The following NDST4 variants were observed in gnomAD, a reference collection of about 807,000 sequenced individuals.
NDST4 encodes N-deacetylase and N-sulfotransferase 4.
A neutral mutation model predicts 100.8 loss-of-function variants in NDST4; 63 were observed. That is an observed-to-expected ratio of 0.62 (90% confidence interval 0.51 to 0.77). NDST4 has a LOEUF of 0.77. Ranked by LOEUF, NDST4 falls within the 30% of genes least tolerant of loss-of-function variation. The pLI is 0.00. For missense variants in NDST4, 943 were observed against 1,018.4 expected (o/e 0.93, Z 1.01); for synonymous variants, 377 against 361.8 (o/e 1.04, Z -0.48).
intron 6 of NDST4, among the ~76,000 whole-genome samples, chr4:114,931,825 G>A (rs558330191): frequency 5.7e-4 from 86 of 151,750 alleles, no homozygotes; most frequent in African/African-American, 2.0e-3. Flanking sequence ...GACCAATAAC[G>A]AGTAAAGAGA....
In NDST4 at chr4:114,986,796, A is replaced by G. The variant is rs776689424; in HGVS notation, c.979-9522T>C. 8.9e-3 allele frequency among the ~76,000 whole-genome samples: 131 copies of G among 14,730 alleles called. 2 individuals are homozygous for G. Among genetic ancestry groups the G allele is most frequent in the Non-Finnish European group, 0.024 (95 of 3,964 alleles). 9.7% of individuals were successfully genotyped at this position (14,730 alleles called of 152,430 possible). On this transcript the variant is annotated intron_variant, in intron 2 of 13. Transcript: ENST00000264363. ...CTAAGCCTGGTATCCAATTATACATATATATATATATATATATATATATAT... is the reference window on the plus strand; with the variant it reads ...CTAAGCCTGGTATCCAATTATACATGTATATATATATATATATATATATAT...
chr4:114,869,875 T>C (rs1724110122), intron 7 of NDST4, among the ~76,000 whole-genome samples: 1 of 152,126 alleles, frequency 6.6e-6, no homozygotes, highest in Non-Finnish European at 1.5e-5. Flanking sequence ...TTTCTGACAA[T>C]GTAGACAGAG....
At chr4:115,039,663 G>A (rs1436483972) in intron 2 of NDST4, among the ~76,000 whole-genome samples, 1 of 152,020 alleles carries the variant, frequency 6.6e-6, no homozygotes. Context: ...CATGTCCCAT[G>A]TCTCTCTATA....
chr4:115,012,784 A>G (rs978454310), intron 2 of NDST4, among the ~76,000 whole-genome samples: 3 of 152,036 alleles, frequency 2.0e-5, no homozygotes, highest in Non-Finnish European at 2.9e-5. Context: ...ACGTGGAAGC[A>G]ATCTAATTGT....
chr4:115,066,784 G>A (rs1319632736), intron 2 of NDST4, among the ~76,000 whole-genome samples: 2 of 152,112 alleles, frequency 1.3e-5, no homozygotes, highest in Non-Finnish European at 2.9e-5. Context: ...GAGATCTAGG[G>A]AGTTCTATAA....
intron 1 of NDST4, among the ~76,000 whole-genome samples, chr4:115,088,465 A>G (rs1729450872): frequency 6.6e-6 from 1 of 151,886 alleles, no homozygotes; most frequent in Non-Finnish European, 1.5e-5. Flanking sequence ...CACCTTCTAA[A>G]TGTTTCATTT....
intron 2 of NDST4, among the ~76,000 whole-genome samples, chr4:115,017,315 C>T (rs6849898): frequency 0.086 from 13,005 of 152,014 alleles, 1,842 homozygotes; most frequent in African/African-American, 0.29. Context: ...TTTGGGGTTC[C>T]ACAGAATTCA....
chr4:114,857,716 TG>T (rs1268822891), intron 7 of NDST4, among the ~76,000 whole-genome samples: 1 of 152,234 alleles, frequency 6.6e-6, no homozygotes, highest in African/African-American at 2.4e-5. Context: ...ATCTGCTTTT[TG>T]TTTGCTTTGT....
At chr4:115,026,318 G>A (rs1727983134) in intron 2 of NDST4, among the ~76,000 whole-genome samples, 1 of 151,910 alleles carries the variant, frequency 6.6e-6, no homozygotes, top group Admixed American at 6.6e-5. Context: ...TTATAGTTAA[G>A]TATATTTGAA....
chr4:115,012,041 G>C (rs1379537906), intron 2 of NDST4, among the ~76,000 whole-genome samples: 3 of 151,840 alleles, frequency 2.0e-5, no homozygotes, highest in African/African-American at 7.2e-5. Flanking sequence ...AAGTAAGAGA[G>C]GATTCAAAGC....
chr4:115,085,989 G>A (rs1371014904), intron 1 of NDST4, among the ~76,000 whole-genome samples: 1 of 152,166 alleles, frequency 6.6e-6, no homozygotes, highest in Non-Finnish European at 1.5e-5. Context: ...GGATACCAAT[G>A]TAAGATTATT....
intron 4 of NDST4, among the ~76,000 whole-genome samples, chr4:114,950,750 C>T (rs1412842507): frequency 6.6e-6 from 1 of 152,022 alleles, no homozygotes; most frequent in East Asian, 1.9e-4. Flanking sequence ...CTGCCTCATT[C>T]CCACCTACTT....
chr4:115,021,383 CATAT>C (rs540352056), intron 2 of NDST4, among the ~76,000 whole-genome samples: 1 of 150,110 alleles, frequency 6.7e-6, no homozygotes, highest in African/African-American at 2.5e-5. Context: ...ATATATATTC[CATAT>C]ATATACATTC....
intron 12 of NDST4, 84 bp from the exon 13 acceptor site, chr4:114,829,976 A>C: frequency 1.1e-6 from 1 of 885,246 alleles, no homozygotes; most frequent in Non-Finnish European, 1.8e-6. Context: ...AAGGAAATGT[A>C]TTTTTGTATG....
At chr4:115,088,636 A>C (rs1578512992) in intron 1 of NDST4, among the ~76,000 whole-genome samples, 1 of 150,192 alleles carries the variant, frequency 6.7e-6, no homozygotes, top group African/African-American at 2.5e-5. Context: ...TGTCACTCTC[A>C]CCCCCACTCC....
chr4:114,954,125 T>C (rs1255914361), intron 4 of NDST4, among the ~76,000 whole-genome samples: 1 of 152,176 alleles, frequency 6.6e-6, no homozygotes, highest in Non-Finnish European at 1.5e-5. Context: ...TAGCAAATTT[T>C]CACTGCTCTG....
At chr4:115,082,412 G>A (rs1156979882) in intron 1 of NDST4, among the ~76,000 whole-genome samples, 3 of 152,078 alleles carry the variant, frequency 2.0e-5, no homozygotes, top group East Asian at 3.9e-4. Context: ...AGTAAACAAA[G>A]CAATTACAGG....
Position 114,970,595 on chromosome 4 carries a change from T to C in NDST4, c.1067-11A>G, listed in dbSNP as rs368707994. ...CTTCCTCTTCAGTCCCTTTAAAACA[T>C]AAAGTTAAAAATAACTTTAGTGAAA... On this transcript the variant is annotated splice_polypyrimidine_tract_variant and intron_variant, in intron 3 of 13. Transcript: ENST00000264363. The C allele has an allele frequency of 3.8e-6, 6 of 1,599,880 alleles. No individual in the cohort carries two copies. Among genetic ancestry groups the C allele is most frequent in the Non-Finnish European group, 5.1e-6 (6 of 1,172,958 alleles).
At chr4:115,075,362 G>A (rs762882912) in intron 2 of NDST4, among the ~76,000 whole-genome samples, 5 of 152,180 alleles carry the variant, frequency 3.3e-5, no homozygotes, top group Non-Finnish European at 7.3e-5. Context: ...GAGTTTGGCA[G>A]GATTTGGCAG....
Sources: allele counts gnomAD v4.1 joint callset (sites outside exome capture counted in the v4.1 genomes callset), GRCh38; gene constraint gnomAD v4.1.1; transcripts MANE v1.5; gene names NCBI Gene and HGNC (gene_info 2026-07-23, HGNC 2026-07-21).